Variants in PHF21B observed in about 807,000 individuals in gnomAD.
PHF21B encodes the protein PHD finger protein 21B.
In PHF21B, 22 loss-of-function variants were observed where a neutral mutation model predicts 62.2. The ratio of observed to expected loss-of-function variants is 0.35; its 90% CI spans 0.25 to 0.51. The LOEUF is 0.51. Ranked by LOEUF, PHF21B falls within the 20% of genes least tolerant of loss-of-function variation. PHF21B has a pLI of 0.97. For missense variants in PHF21B, 701 were observed against 707.9 expected, an observed-to-expected ratio of 0.99 and a Z score of 0.11; for synonymous variants, 341 against 314.7, an observed-to-expected ratio of 1.08 and a Z score of -0.88.
chr22:44,936,333 G>A (rs960670016), intron 2 of PHF21B, among the ~76,000 whole-genome samples: 2 of 152,248 alleles, frequency 1.3e-5, no homozygotes, highest in African/African-American at 4.8e-5. Flanking sequence ...TTGTAGAGAG[G>A]CCGCAGCCTC....
intron 2 of PHF21B, among the ~76,000 whole-genome samples, chr22:44,962,336 A>G (rs189401260): frequency 6.6e-6 from 1 of 152,334 alleles, no homozygotes; most frequent in Non-Finnish European, 1.5e-5. Context: ...AGTCACTGTA[A>G]GTTGAAAATA....
At chr22:44,924,409 T>A (rs112234506) in intron 2 of PHF21B, among the ~76,000 whole-genome samples, 76 of 152,336 alleles carry the variant, frequency 5.0e-4, no homozygotes, top group African/African-American at 1.7e-3. Flanking sequence ...ACAGAACGTA[T>A]GTGTCCTCTC....
In PHF21B at chr22:44,899,935, T is replaced by C. The variant is rs143524316; in HGVS notation, c.832-3852A>G. 1.5e-3 allele frequency among the ~76,000 whole-genome samples: 236 copies of C among 152,330 alleles called. 1 individual carries two copies. Among genetic ancestry groups the C allele is most frequent in the East Asian group, 0.011 (57 of 5,186 alleles). On this transcript the variant is annotated intron_variant, in intron 5 of 12. Transcript: ENST00000313237. ...CTCTTGGGTTTTTCAGCAAATCTCT[T>C]GGGTTTTCTCAAATAGTTTACTCCT...
intron 2 of PHF21B, among the ~76,000 whole-genome samples, chr22:44,970,286 G>T (rs375930589): frequency 2.2e-4 from 34 of 152,352 alleles, no homozygotes; most frequent in African/African-American, 7.9e-4. Flanking sequence ...AGGGCAGGGG[G>T]GAATCTTTTC....
rs1465966010 is a variant in PHF21B at position 44,881,166 on chromosome 22, A to C, written c.*1920T>G. 3 of 152,688 alleles carry C rather than the reference A, an allele frequency of 2.0e-5. No individual in the cohort carries two copies. Among genetic ancestry groups the C allele is most frequent in the Non-Finnish European group, 2.9e-5 (2 of 68,060 alleles). The allele number at this position is 152,688 out of a possible 1,614,324, so 9.5% of individuals were successfully genotyped here. On this transcript the variant is annotated 3_prime_UTR_variant, in exon 13 of 13. Coordinates refer to ENST00000313237, the MANE Select transcript of PHF21B (RefSeq NM_138415.5). ...AGGACACCAAAACCACAGGGCTTTG[A>C]AATCATCGATCGAGTTTAATACATT...
rs370046442 is a variant in PHF21B at position 44,899,483 on chromosome 22, G to A, written c.832-3400C>T. Among the ~76,000 whole-genome samples the A allele has an allele frequency of 5.9e-5, 9 of 151,872 alleles. No individual in the cohort carries two copies. In the East Asian group the frequency reaches 1.7e-3, roughly 29 times the overall value. The stretch of plus-strand genomic sequence containing the variant: ...TTTTTGTATTTCTAGTAGAGACGGG[G>A]TTTCACCATGTTGGCCAGGCTGGTC... On this transcript the variant is annotated intron_variant, in intron 5 of 12. Transcript: ENST00000313237.
rs183215656 is a variant in PHF21B, at chr22:44,980,445, G to T, written c.120+28100C>A. 2.5e-4 allele frequency among the ~76,000 whole-genome samples: 38 copies of T among 152,314 alleles called. No homozygotes were observed. The East Asian group carries it at 7.3e-3, about 29-fold the overall frequency. ...AGGGTTACCGGGCATCACCACACAG[G>T]GCGTCCACACTGCAGACCTTGGAGG... On this transcript the variant is annotated intron_variant, in intron 2 of 12. Transcript: ENST00000313237.
chr22:44,930,331 G>A lies in PHF21B; in HGVS notation c.121-9841C>T, dbSNP rs575071656. Among the ~76,000 whole-genome samples, 10 of 152,340 alleles carry A rather than the reference G, an allele frequency of 6.6e-5. No individual in the cohort carries two copies. In the South Asian group the frequency reaches 1.9e-3, roughly 28 times the overall value. The stretch of plus-strand genomic sequence containing the variant: ...CTAGCCTTTAAGAAAGTGATCAGAA[G>A]CAAACTGCCCAACCTCCCTGTTTAC... On this transcript the variant is annotated intron_variant, in intron 2 of 12. Coordinates refer to ENST00000313237, the MANE Select transcript of PHF21B (RefSeq NM_138415.5).
intron 2 of PHF21B, among the ~76,000 whole-genome samples, chr22:44,944,677 G>C (rs1161240538): frequency 6.6e-6 from 1 of 152,220 alleles, no homozygotes; most frequent in African/African-American, 2.4e-5. Context: ...GATGTGGATG[G>C]TGGGGTCCTG....
Position 44,883,248 on chromosome 22 carries a change from G to T in PHF21B, c.1434C>A (p.Ser478=), listed in dbSNP as rs1428112168. 1.2e-6 allele frequency: 2 copies of T among 1,613,950 alleles called. No homozygotes were observed. Among genetic ancestry groups the T allele is most frequent in the Non-Finnish European group, 1.7e-6 (2 of 1,179,970 alleles). The change falls in exon 13 of 13, where the codon TCC becomes TCA. Residue 478 remains serine (S), a synonymous_variant. Transcript: ENST00000313237. ...LLARQRGTQS[S]LDRLRALLRL... ...TCAGGAGGGCCCGCAGGCGGTCCAG[G>T]GATGACTGGGTGCCCCTCTGGCGGG...
intron 2 of PHF21B, among the ~76,000 whole-genome samples, chr22:44,948,961 G>T (rs2072135505): frequency 6.6e-6 from 1 of 152,208 alleles, no homozygotes; most frequent in Non-Finnish European, 1.5e-5. Context: ...TTCCTTCCCA[G>T]TTTGGGGTTC....
chr22:44,985,489 A>T (rs1453770129), intron 2 of PHF21B, among the ~76,000 whole-genome samples: 1 of 152,068 alleles, frequency 6.6e-6, no homozygotes, highest in Non-Finnish European at 1.5e-5. Context: ...AGTCCCACTT[A>T]TGGGAGGCTG....
intron 2 of PHF21B, chr22:45,000,747 C>T (rs1224044158): frequency 6.6e-6 from 1 of 152,136 alleles, no homozygotes; most frequent in South Asian, 2.1e-4. Flanking sequence ...ATGACGCTCT[C>T]GCATGGAAAG....
At chr22:44,928,458 G>C (rs1207324545) in intron 2 of PHF21B, among the ~76,000 whole-genome samples, 2 of 152,132 alleles carry the variant, frequency 1.3e-5, no homozygotes, top group Non-Finnish European at 2.9e-5. Flanking sequence ...CTCCCAGGCT[G>C]CAGTGCAATA....
In PHF21B at chr22:45,009,134, G is replaced by A. The variant is rs2073379994; in HGVS notation, c.54+362C>T. ...CCGGGCAGGTTCGCCCGGGGCGCGG[G>A]GGCCCGAGGGGAGGCCGGAAGGGGG... On this transcript the variant is annotated intron_variant, in intron 1 of 12. Transcript: ENST00000313237. The surrounding 1 kb of genome is among the most constrained non-coding windows in gnomAD (Gnocchi z 5.9). 1 of 703,746 alleles carries A rather than the reference G, an allele frequency of 1.4e-6. No individual in the cohort carries two copies. Among genetic ancestry groups the A allele is most frequent in the Non-Finnish European group, 1.9e-6 (1 of 521,918 alleles). 43.6% of individuals were successfully genotyped at this position (703,746 alleles called of 1,614,324 possible).
rs1400397778 is a variant in PHF21B at position 44,913,975 on chromosome 22, A to G, written c.678T>C (p.His226=). The part of the protein sequence containing the change: ...PSPSLSPSPL[H]GIFQVIIIQP... ...GAATGATGATGACCTGGAAGATGCC[A>G]TGGAGGGGTGAAGGGGACAGTGATG... The change falls in exon 5 of 13, where the codon CAT becomes CAC. Residue 226 remains histidine, a synonymous_variant. Transcript: ENST00000313237. The G allele has an allele frequency of 9.2e-7, 1 of 1,090,724 alleles. No homozygotes were observed. The highest frequency in any genetic ancestry group is 1.2e-5 in the South Asian group (1 of 80,386). 67.6% of individuals were successfully genotyped at this position (1,090,724 alleles called of 1,614,324 possible).
intron 2 of PHF21B, among the ~76,000 whole-genome samples, chr22:45,005,460 C>T (rs1189298620): frequency 2.6e-5 from 4 of 152,154 alleles, no homozygotes; most frequent in Non-Finnish European, 4.4e-5. Flanking sequence ...AATGGTAGGA[C>T]AAAAACTAGA....
chr22:44,921,406 C>CG (rs1555940270), intron 2 of PHF21B, among the ~76,000 whole-genome samples: 3 of 151,302 alleles, frequency 2.0e-5, no homozygotes, highest in Non-Finnish European at 4.4e-5. Flanking sequence ...CTTGCTCTGT[C>CG]CCCAGGCTGG....
intron 2 of PHF21B, among the ~76,000 whole-genome samples, chr22:44,985,619 G>C (rs2072931245): frequency 1.4e-5 from 2 of 147,202 alleles, no homozygotes; most frequent in Non-Finnish European, 3.0e-5. Flanking sequence ...AAAAAATGAA[G>C]AAAAAAGAAA....
Sources: gnomAD v4.1 joint callset for allele counts (sites outside exome capture counted in the v4.1 genomes callset) on GRCh38, gnomAD v4.1.1 for gene constraint, Gnocchi (gnomAD v3.1) non-coding constraint, MANE v1.5 for transcripts, NCBI Gene and HGNC (gene_info 2026-07-23, HGNC 2026-07-21) for gene names.